Variants in DUXB observed in about 807,000 individuals in gnomAD.
DUXB encodes double homeobox protein B.
DUXB carries 22 observed loss-of-function variants against 8.9 expected under a neutral mutation model. The observed-to-expected ratio is 2.46, with a 90% CI of 1.76 to 3.52. The LOEUF is 3.52. DUXB is among the 30% of genes most tolerant of loss of function. DUXB has a pLI of 0.00. For synonymous variants in DUXB, 84 were observed against 37.6 expected, an observed-to-expected ratio of 2.23 and a Z score of -4.52; for missense variants, 237 against 108.7, an observed-to-expected ratio of 2.18 and a Z score of -5.25.
Position 75,694,367 on chromosome 16 carries a change from G to A in DUXB, c.600C>T (p.Cys200=). ...TTTCATGCCCGCTGGAAGAATGTGA[G>A]CAAGAAAAATAATGAGAGCTGTCTG... ...LPTDSSHYFS[C]SHSSSGHETL... Residue 200 remains cysteine, a synonymous_variant, in exon 5 of 5, where the codon TGC becomes TGT. Transcript: ENST00000633875. The A allele has an allele frequency of 1.5e-6, 1 of 668,984 alleles. No individual in the cohort carries two copies. The highest frequency in any genetic ancestry group is 2.7e-5 in the East Asian group (1 of 36,804). The allele number at this position is 668,984 out of a possible 1,614,324, so 41.4% of individuals were successfully genotyped here.
At chr16:75,699,582 C>T (rs1390306440) in intron 2 of DUXB, among the ~76,000 whole-genome samples, 6 of 147,714 alleles carry the variant, frequency 4.1e-5, no homozygotes, top group East Asian at 2.0e-4. Context: ...TTTTTTGAGA[C>T]GGAGTCTCGC....
chr16:75,696,200 G>T (rs2082605844), intron 3 of DUXB, 85 bp from the exon 4 acceptor site: 1 of 666,250 alleles, frequency 1.5e-6, no homozygotes, highest in Non-Finnish European at 2.7e-6. Flanking sequence ...GGCCATATTT[G>T]TTCTCTCTGA....
At chr16:75,695,853 G>T in intron 4 of DUXB, 108 bp downstream of exon 4, 1 of 623,046 alleles carries the variant, frequency 1.6e-6, no homozygotes, top group Non-Finnish European at 2.9e-6. Context: ...CCCCGTTTCC[G>T]CCCTTGATGA....
In DUXB at chr16:75,699,978, G is replaced by A. The variant is rs200738898; in HGVS notation, c.180+37C>T. 4 of 671,834 alleles carry A rather than the reference G, an allele frequency of 6.0e-6. No individual in the cohort carries two copies. In the African/African-American group the frequency reaches 7.2e-5, roughly 12 times the overall value. 41.6% of individuals were successfully genotyped at this position (671,834 alleles called of 1,614,324 possible). A position where few individuals can be genotyped will look rare whatever the true frequency, so the allele number is the denominator to read the frequency against. On this transcript the variant is annotated intron_variant, in intron 2 of 4. Transcript: ENST00000633875. ...GGGCCTAGTCTTTCTCTTTACCATG[G>A]TTCTGACAGGTAATGAAGTAGAAAT...
At chr16:75,694,607 G>T (rs752675203) in intron 4 of DUXB, 82 bp from the exon 5 acceptor site, 4 of 688,034 alleles carry the variant, frequency 5.8e-6, no homozygotes, top group Non-Finnish European at 1.1e-5. Context: ...AAACAAAGGA[G>T]CTATTAACCT....
rs1172884894 is a variant in DUXB at position 75,694,544 on chromosome 16, AACATG to A, written c.442-24_442-20del. The A allele has an allele frequency of 1.4e-6, 1 of 702,986 alleles. No individual in the cohort carries two copies. 43.5% of individuals were successfully genotyped at this position (702,986 alleles called of 1,614,324 possible). On this transcript the variant is annotated intron_variant, in intron 4 of 4. Coordinates refer to ENST00000633875, the MANE Select transcript of DUXB (RefSeq NM_001351307.2). ...ACCACATCTAAATGAGAAAAAGGGC[AACATG>A]ACATCATAAGACATAAGCAATTGTA...
chr16:75,696,953 A>G lies in DUXB; in HGVS notation c.181-10T>C, dbSNP rs1442761391. ...AATTTTTAAACCAAACCTAAGTAGG[A>G]GAAGAAGATGTGATAGTCATACAAC... On this transcript the variant is annotated splice_polypyrimidine_tract_variant and intron_variant, in intron 2 of 4. Coordinates refer to ENST00000633875, the MANE Select transcript of DUXB (RefSeq NM_001351307.2). 1.4e-6 allele frequency: 1 copy of G among 701,260 alleles called. No homozygotes were observed. The allele number at this position is 701,260 out of a possible 1,614,324, so 43.4% of individuals were successfully genotyped here.
At chr16:75,697,208 C>T (rs144153800) in intron 2 of DUXB, among the ~76,000 whole-genome samples, 255 of 152,162 alleles carry the variant, frequency 1.7e-3, no homozygotes, top group African/African-American at 5.7e-3. Flanking sequence ...TTTAGGAGAC[C>T]CTATGAGGTC....
At chr16:75,701,126 C>T (rs1018838742) in intron 1 of DUXB, among the ~76,000 whole-genome samples, 4 of 152,182 alleles carry the variant, frequency 2.6e-5, no homozygotes, top group Admixed American at 2.6e-4. Flanking sequence ...TTCATACATT[C>T]TCCCCTCCAC....
In DUXB at chr16:75,696,027, T is replaced by TG. The variant is rs1346213295; in HGVS notation, c.374dup (p.Phe126IlefsTer3). The TG allele has an allele frequency of 1.4e-6, 1 of 703,034 alleles. No homozygotes were observed. The highest frequency in any genetic ancestry group is 2.7e-5 in the East Asian group (1 of 37,288). The allele number at this position is 703,034 out of a possible 1,614,324, so 43.5% of individuals were successfully genotyped here. A position where few individuals can be genotyped will look rare whatever the true frequency, so the allele number is the denominator to read the frequency against. Reference sequence around the variant, plus strand: ...TTTTTCTGGTAGCAATATCAGGGAATGGGTTCCTCTCAAAGGCTTGCACTA... The same window carrying TG: ...TTTTTCTGGTAGCAATATCAGGGAATGGGGTTCCTCTCAAAGGCTTGCACTA... On this transcript the variant is annotated frameshift_variant, in exon 4 of 5. Coordinates refer to ENST00000633875, the MANE Select transcript of DUXB (RefSeq NM_001351307.2). LOFTEE classifies it high-confidence loss of function.
At chr16:75,694,555 A>G (rs1446368415) in intron 4 of DUXB, 30 bp from the exon 5 acceptor site, 2 of 702,852 alleles carry the variant, frequency 2.8e-6, no homozygotes, top group Admixed American at 2.0e-5. Flanking sequence ...ACATGACATC[A>G]TAAGACATAA....
Position 75,700,184 on chromosome 16 carries a change from AG to A in DUXB, c.26-16del, listed in dbSNP as rs1186318587. On this transcript the variant is annotated splice_polypyrimidine_tract_variant and intron_variant, in intron 1 of 4. Coordinates refer to ENST00000633875, the MANE Select transcript of DUXB (RefSeq NM_001351307.2). Reference sequence around the variant, plus strand: ...TTGAAGTATGCCTGATGAACAGAAAAGGGGGAGAATAGTGTGAATAATATAT... The same window carrying A: ...TTGAAGTATGCCTGATGAACAGAAAAGGGGAGAATAGTGTGAATAATATAT... 1 of 697,760 alleles carries A rather than the reference AG, an allele frequency of 1.4e-6. No homozygotes were observed. The highest frequency in any genetic ancestry group is 2.6e-6 in the Non-Finnish European group (1 of 383,278). The allele number at this position is 697,760 out of a possible 1,614,324, so 43.2% of individuals were successfully genotyped here. A position where few individuals can be genotyped will look rare whatever the true frequency, so the allele number is the denominator to read the frequency against.
Position 75,700,136 on chromosome 16 carries a change from A to G in DUXB, c.59T>C (p.Ile20Thr), listed in dbSNP as rs897378367. Residue 20 changes from isoleucine (I) to threonine (T), a missense_variant, in exon 2 of 5, where the codon ATT (isoleucine) becomes ACT (threonine). By Grantham distance (89) the Ile-to-Thr change is moderately conservative (BLOSUM62 -1). Transcript: ENST00000633875. ...ILQKEFWRNR[I>T]QYNQSQKDIL... ...ATCCTTTTGACTCTGGTTATACTGA[A>G]TTCTGTTTCTCCAGAATTCTTTTTG... is the stretch of plus-strand genomic sequence containing the variant. 4.3e-6 allele frequency: 3 copies of G among 702,472 alleles called. No homozygotes were observed. The African/African-American group carries it at 5.2e-5, about 12-fold the overall frequency. The allele number at this position is 702,472 out of a possible 1,614,324, so 43.5% of individuals were successfully genotyped here.
At chr16:75,695,507 G>C (rs1327443228) in intron 4 of DUXB, among the ~76,000 whole-genome samples, 1 of 152,116 alleles carries the variant, frequency 6.6e-6, no homozygotes, top group Non-Finnish European at 1.5e-5. Flanking sequence ...TACTCCTTGG[G>C]GGCCAATTTT....
chr16:75,694,260 A>C lies in DUXB; in HGVS notation c.707T>G (p.Ile236Ser). The C allele has an allele frequency of 3.4e-6, 2 of 591,746 alleles. No individual in the cohort carries two copies. The highest frequency in any genetic ancestry group is 4.2e-5 in the South Asian group (2 of 47,112). The allele number at this position is 591,746 out of a possible 1,614,324, so 36.7% of individuals were successfully genotyped here. A position where few individuals can be genotyped will look rare whatever the true frequency, so the allele number is the denominator to read the frequency against. ...FHVSQGPNVM[I>S]MQPTQAVQEG... ...CTGCACAGCCTGTGTGGGCTGCATG[A>C]TCATGACATTTGGTCCTTGGCTCAC... Residue 236 changes from isoleucine (I) to serine (S), a missense_variant, in exon 5 of 5, where the codon ATC becomes AGC. Transcript: ENST00000633875.
intron 3 of DUXB, 85 bp from the exon 4 acceptor site, chr16:75,696,200 G>A: frequency 3.0e-6 from 2 of 666,250 alleles, no homozygotes; most frequent in Non-Finnish European, 5.4e-6. Flanking sequence ...GGCCATATTT[G>A]TTCTCTCTGA....
chr16:75,699,699 C>T (rs527590779), intron 2 of DUXB, among the ~76,000 whole-genome samples: 52 of 152,116 alleles, frequency 3.4e-4, no homozygotes, highest in Non-Finnish European at 6.2e-4. Context: ...GCTGGGACTA[C>T]AGGCGACTGC....
At chr16:75,694,684 C>T (rs1471889232) in intron 4 of DUXB, among the ~76,000 whole-genome samples, 159 bp from the exon 5 acceptor site, 1 of 152,094 alleles carries the variant, frequency 6.6e-6, no homozygotes, top group Non-Finnish European at 1.5e-5. Flanking sequence ...TCTGTATACC[C>T]TGATTCAAAC....
At position 75,696,113 on chromosome 16, in the gene DUXB, A is replaced by T; in HGVS notation, c.289T>A (p.Tyr97Asn). ...TTTTGTCGGGCTTCTTTAGGTAAGT[A>T]TTCTAAAGGAGAACACAGAAGCTGT... ...HDQSQHLTQE[Y>N]LPKEARQKQT... Residue 97 changes from tyrosine to asparagine, a missense_variant and splice_region_variant, in exon 4 of 5, where the codon TAC becomes AAC. Transcript: ENST00000633875. 1 of 698,240 alleles carries T rather than the reference A, an allele frequency of 1.4e-6. No individual in the cohort carries two copies. The highest frequency in any genetic ancestry group is 2.6e-6 in the Non-Finnish European group (1 of 384,648). The allele number at this position is 698,240 out of a possible 1,614,324, so 43.3% of individuals were successfully genotyped here. A position where few individuals can be genotyped will look rare whatever the true frequency, so the allele number is the denominator to read the frequency against.
Sources: allele counts gnomAD v4.1 joint callset (sites outside exome capture counted in the v4.1 genomes callset), GRCh38; gene constraint gnomAD v4.1.1; transcripts MANE v1.5; gene names NCBI Gene and HGNC (gene_info 2026-07-23, HGNC 2026-07-21).